ABCB1: variants seen among roughly 807,000 people sequenced by gnomAD.
ABCB1 encodes ATP binding cassette subfamily B member 1, also known as ATP-dependent translocase ABCB1.
ABCB1 carries 69 observed loss-of-function variants against 142.0 expected under a neutral mutation model. The observed-to-expected ratio is 0.49, with a 90% CI of 0.40 to 0.59. The LOEUF (loss-of-function observed/expected upper bound fraction) is 0.59, where lower values mean the gene tolerates loss of function less well. ABCB1 is among the 20% of genes least tolerant of loss of function. The probability of loss-of-function intolerance (pLI) is 0.00; values close to 1 mark genes in which losing one functional copy is unlikely to be tolerated. For missense variants in ABCB1, 1,326 were observed against 1,554.7 expected (o/e 0.85, Z 2.47); for synonymous variants, 532 against 539.2 (o/e 0.99, Z 0.18).
chr7:87,603,330 C>A (rs760089471), upstream of ABCB1, among the ~76,000 whole-genome samples: 1 of 152,100 alleles, frequency 6.6e-6, no homozygotes, highest in Non-Finnish European at 1.5e-5. Flanking sequence ...CATTATTTGC[C>A]CAGTCACACA....
At chr7:87,628,253 G>T (rs1308514790) in intron 1 of ABCB1, among the ~76,000 whole-genome samples, 4 of 152,212 alleles carry the variant, frequency 2.6e-5, no homozygotes, top group Non-Finnish European at 4.4e-5. Flanking sequence ...CAGCCCACGC[G>T]TCGGGGCGGG....
In ABCB1 at chr7:87,626,099, TTGTC is replaced by T. The variant is rs1563079544; in HGVS notation, c.-330-25025_-330-25022del. Among the ~76,000 whole-genome samples the T allele has an allele frequency of 2.0e-3, 191 of 95,474 alleles. 7 individuals carry two copies. Among genetic ancestry groups the T allele is most frequent in the South Asian group, 7.7e-3 (20 of 2,584 alleles). The allele number at this position is 95,474 out of a possible 152,430, so 62.6% of individuals were successfully genotyped here. A position where few individuals can be genotyped will look rare whatever the true frequency, so the allele number is the denominator to read the frequency against. ...AGACATATATATATATATATATATA[TTGTC>T]ATATATATGTGTCATATATATTGTC... On this transcript the variant is annotated intron_variant, in intron 1 of 28. Coordinates refer to the ABCB1 transcript ENST00000265724.
At chr7:87,695,095 C>A (rs1828386860) in intron 1 of ABCB1, among the ~76,000 whole-genome samples, 1 of 152,034 alleles carries the variant, frequency 6.6e-6, no homozygotes, top group South Asian at 2.1e-4. Context: ...AATGTAAGTA[C>A]AATTGAGTAT....
chr7:87,541,477 A>G lies in ABCB1; in HGVS notation c.2212-13T>C, dbSNP rs1305454753. ...TTCTTGTAAAAACCTGTGAGAAAAC[A>G]TTTAAAGGATTTTTAGTTCAATCAG... On this transcript the variant is annotated splice_polypyrimidine_tract_variant and intron_variant, in intron 17 of 27. Coordinates refer to ENST00000622132, the MANE Select transcript of ABCB1 (RefSeq NM_001348946.2). 1.3e-6 allele frequency: 2 copies of G among 1,544,858 alleles called. No homozygotes were observed. Among genetic ancestry groups the G allele is most frequent in the Non-Finnish European group, 9.0e-7 (1 of 1,117,132 alleles).
At chr7:87,599,775 T>C (rs1439627518) in intron 2 of ABCB1, among the ~76,000 whole-genome samples, 1 of 152,184 alleles carries the variant, frequency 6.6e-6, no homozygotes, top group Non-Finnish European at 1.5e-5. Flanking sequence ...CACATAGAAA[T>C]GAAATATACC....
At chr7:87,530,057 G>A (rs1815965535) in intron 21 of ABCB1, among the ~76,000 whole-genome samples, 1 of 152,250 alleles carries the variant, frequency 6.6e-6, no homozygotes, top group African/African-American at 2.4e-5. Flanking sequence ...AGAGTCTGAA[G>A]AGATAGCAGA....
At chr7:87,505,738 C>T (rs1406595626) in intron 27 of ABCB1, among the ~76,000 whole-genome samples, 159 bp downstream of exon 27, 2 of 152,170 alleles carry the variant, frequency 1.3e-5, no homozygotes, top group Non-Finnish European at 2.9e-5. Flanking sequence ...GTCATCTTTA[C>T]TCTCCTGAAT....
chr7:87,554,737 G>A (rs1399019670), intron 8 of ABCB1, among the ~76,000 whole-genome samples: 1 of 152,172 alleles, frequency 6.6e-6, no homozygotes, highest in Non-Finnish European at 1.5e-5. Flanking sequence ...CTGACCTGGT[G>A]GCTTGGGCCA....
At chr7:87,552,340 T>A (rs1485156387) in intron 9 of ABCB1, among the ~76,000 whole-genome samples, 1 of 152,214 alleles carries the variant, frequency 6.6e-6, no homozygotes, top group Non-Finnish European at 1.5e-5. Context: ...ATATTCATTA[T>A]CTCAGTTAGT....
chr7:87,551,439 G>A (rs909291913), intron 9 of ABCB1, among the ~76,000 whole-genome samples: 1 of 152,162 alleles, frequency 6.6e-6, no homozygotes, highest in South Asian at 2.1e-4. Context: ...ACATCACATT[G>A]TATTCCGTAA....
chr7:87,699,190 G>A (rs1350490043), intron 1 of ABCB1, among the ~76,000 whole-genome samples: 4 of 152,066 alleles, frequency 2.6e-5, no homozygotes, highest in African/African-American at 9.7e-5. Context: ...AATTACTGAG[G>A]AAGGGAGGAT....
chr7:87,503,293 T>A lies in ABCB1; in HGVS notation c.*950A>T, dbSNP rs963249566. Among the ~76,000 whole-genome samples, 21 of 152,040 alleles carry A rather than the reference T, an allele frequency of 1.4e-4. No individual in the cohort carries two copies. Among genetic ancestry groups the A allele is most frequent in the Non-Finnish European group, 2.6e-4 (18 of 67,986 alleles). On this transcript the variant is annotated 3_prime_UTR_variant, in exon 28 of 28. Coordinates refer to ENST00000622132, the MANE Select transcript of ABCB1 (RefSeq NM_001348946.2). ...ATGCTTTTTGGCTAATTTAAAAAAA[T>A]TTGTCGTCCAGAGTCCCAACCTTTG...
In ABCB1 at chr7:87,539,319, C is replaced by G; in HGVS notation, c.2346G>C (p.Glu782Asp). The stretch of plus-strand genomic sequence containing the variant: ...TGTATCGGAGCCGCTTGGTGAGGAT[C>G]TCTCCAGCTTTGCCAAATGTGAAAC... ...LQGFTFGKAG[E>D]ILTKRLRYMV... The change falls in exon 19 of 28, where the codon GAG becomes GAC. Residue 782 changes from glutamate (E) to aspartate (D), a missense_variant. Glu to Asp is a conservative substitution (Grantham distance 45, BLOSUM62 2). Coordinates refer to ENST00000622132, the MANE Select transcript of ABCB1 (RefSeq NM_001348946.2). The G allele has an allele frequency of 6.2e-7, 1 of 1,614,188 alleles. No homozygotes were observed. The highest frequency in any genetic ancestry group is 8.5e-7 in the Non-Finnish European group (1 of 1,179,994).
intron 21 of ABCB1, chr7:87,521,239 T>G: frequency 2.8e-6 from 1 of 352,400 alleles, no homozygotes; most frequent in South Asian, 3.3e-5. Context: ...CACAGTTATT[T>G]TACACTTATT....
intron 1 of ABCB1, among the ~76,000 whole-genome samples, chr7:87,684,746 CAAAAAAAA>C (rs71524694): frequency 7.9e-5 from 3 of 37,784 alleles, no homozygotes; most frequent in African/African-American, 3.6e-4. Flanking sequence ...GACTCCGTCT[CAAAAAAAA>C]AAAAAAAAAA....
chr7:87,640,501 A>G (rs981565218), intron 1 of ABCB1, among the ~76,000 whole-genome samples: 2 of 151,204 alleles, frequency 1.3e-5, no homozygotes, highest in African/African-American at 4.9e-5. Context: ...GCACCACCAC[A>G]CCCAGCTAAT....
At chr7:87,650,811 T>G in intron 1 of ABCB1, 1 of 1,552,850 alleles carries the variant, frequency 6.4e-7, no homozygotes, top group Non-Finnish European at 8.9e-7. Flanking sequence ...ACAATAATCT[T>G]TTTTTCATAG....
chr7:87,521,949 C>T lies in ABCB1; in HGVS notation c.2686-1073G>A, dbSNP rs1239342061. On this transcript the variant is annotated intron_variant, in intron 21 of 27. Coordinates refer to ENST00000622132, the MANE Select transcript of ABCB1 (RefSeq NM_001348946.2). ...ACCATGACTCCATGGGTAAGACTGT[C>T]ACTGAGAAATACCCATACTGTGAAT... is the stretch of plus-strand genomic sequence containing the variant. 6.3e-6 allele frequency: 5 copies of T among 793,154 alleles called. No individual in the cohort carries two copies. The Admixed American group carries it at 8.5e-5, about 13-fold the overall frequency. 49.1% of individuals were successfully genotyped at this position (793,154 alleles called of 1,614,324 possible). A position where few individuals can be genotyped will look rare whatever the true frequency, so the allele number is the denominator to read the frequency against.
chr7:87,704,646 G>A (rs1398887834), intron 1 of ABCB1, among the ~76,000 whole-genome samples: 1 of 152,120 alleles, frequency 6.6e-6, no homozygotes, highest in Non-Finnish European at 1.5e-5. Context: ...CTGGTATTGA[G>A]AATCAAAACA....
Sources: allele counts gnomAD v4.1 joint callset (sites outside exome capture counted in the v4.1 genomes callset), GRCh38; gene constraint gnomAD v4.1.1; transcripts MANE v1.5; gene names NCBI Gene and HGNC (gene_info 2026-07-23, HGNC 2026-07-21).